Variants in ATP10D observed in about 807,000 individuals in gnomAD.
ATP10D encodes phospholipid-transporting ATPase VD.
A neutral mutation model predicts 144.8 loss-of-function variants in ATP10D; 89 were observed. The ratio of observed to expected loss-of-function variants is 0.61; its 90% confidence interval spans 0.52 to 0.73. ATP10D has a LOEUF of 0.73. ATP10D is among the 30% of genes least tolerant of loss of function. The probability of loss-of-function intolerance (pLI) is 0.00; values close to 1 mark genes in which losing one functional copy is unlikely to be tolerated. For missense variants in ATP10D, 1,603 were observed against 1,714.8 expected, an observed-to-expected ratio of 0.93 and a Z score of 1.15; for synonymous variants, 571 against 615.1, an observed-to-expected ratio of 0.93 and a Z score of 1.06.
At chr4:47,504,785 G>A (rs947134536) in intron 1 of ATP10D, among the ~76,000 whole-genome samples, 3 of 152,078 alleles carry the variant, frequency 2.0e-5, no homozygotes, top group African/African-American at 7.2e-5. Flanking sequence ...AAATGGTCTC[G>A]ATCTAGGTCA....
rs779656162 is a variant in ATP10D, at chr4:47,536,709, T to C, written c.1167T>C (p.Tyr389=). The C allele has an allele frequency of 2.5e-6, 4 of 1,611,636 alleles. No individual in the cohort carries two copies. The highest frequency in any genetic ancestry group is 2.7e-5 in the African/African-American group (2 of 74,858). Residue 389 remains tyrosine (Y), a synonymous_variant, in exon 9 of 23, where the codon TAT becomes TAC. Transcript: ENST00000273859. ...AGGTCTTGATTCCTATTTCTCTCTA[T>C]GTTTCCATCGAAATTGTGAAGCTTG... ...LLQVLIPISL[Y]VSIEIVKLGQ...
intron 19 of ATP10D, 72 bp downstream of exon 19, chr4:47,577,045 C>A: frequency 7.6e-7 from 1 of 1,316,082 alleles, no homozygotes; most frequent in Non-Finnish European, 1.1e-6. Flanking sequence ...TCTTAGTTAG[C>A]AAAATATTGC....
At chr4:47,543,854 T>C (rs568977790) in intron 9 of ATP10D, among the ~76,000 whole-genome samples, 3 of 142,974 alleles carry the variant, frequency 2.1e-5, no homozygotes, top group South Asian at 2.2e-4. Context: ...CACACACACA[T>C]ATATATATGC....
chr4:47,507,767 C>A (rs1230208545), intron 1 of ATP10D, among the ~76,000 whole-genome samples: 1 of 152,182 alleles, frequency 6.6e-6, no homozygotes, highest in Admixed American at 6.5e-5. Flanking sequence ...TGCATATGAG[C>A]CATGCTCAGG....
chr4:47,524,041 C>G, intron 4 of ATP10D, among the ~76,000 whole-genome samples: 1 of 152,190 alleles, frequency 6.6e-6, no homozygotes, highest in East Asian at 1.9e-4. Flanking sequence ...ATACTCCTGC[C>G]TCAGCCTCCT....
At chr4:47,583,026 T>A (rs543114265) in intron 21 of ATP10D, 1 of 152,342 alleles carries the variant, frequency 6.6e-6, no homozygotes, top group Admixed American at 6.5e-5. Context: ...GCCAGCAGTC[T>A]TGGCCACTTG....
At chr4:47,518,622 A>G (rs1403305560) in intron 3 of ATP10D, among the ~76,000 whole-genome samples, 2 of 152,226 alleles carry the variant, frequency 1.3e-5, no homozygotes, top group Admixed American at 1.3e-4. Flanking sequence ...AGAAGTTTCA[A>G]AATATTAGTT....
rs143705446 is a variant in ATP10D at position 47,530,446 on chromosome 4, TTTTGTTTG to T, written c.776+4824_776+4831del. Among the ~76,000 whole-genome samples, 11 of 151,312 alleles carry T rather than the reference TTTTGTTTG, an allele frequency of 7.3e-5. 1 individual carries two copies. Among genetic ancestry groups the T allele is most frequent in the South Asian group, 6.2e-4 (3 of 4,802 alleles). ...TTGTTGTTGTTGCTGTTGTTGTTCT[TTTTGTTTG>T]TTTGTTTGTTTGTTTGTTTTTCGAG... On this transcript the variant is annotated intron_variant, in intron 5 of 22. Coordinates refer to ENST00000273859, the MANE Select transcript of ATP10D (RefSeq NM_020453.4).
intron 10 of ATP10D, among the ~76,000 whole-genome samples, chr4:47,550,494 G>T (rs551857336): frequency 6.6e-6 from 1 of 152,038 alleles, no homozygotes; most frequent in Non-Finnish European, 1.5e-5. Context: ...GGTTGGGGGG[G>T]GCGGTCCTTG....
At position 47,561,216 on chromosome 4, in the gene ATP10D, A is replaced by C; in HGVS notation, c.2668+141A>C. 6 of 1,108,900 alleles carry C rather than the reference A, an allele frequency of 5.4e-6. No homozygotes were observed. In the South Asian group the frequency reaches 9.0e-5, roughly 17 times the overall value. The allele number at this position is 1,108,900 out of a possible 1,614,324, so 68.7% of individuals were successfully genotyped here. On this transcript the variant is annotated intron_variant, in intron 14 of 22. Coordinates refer to ENST00000273859, the MANE Select transcript of ATP10D (RefSeq NM_020453.4). ...CCCTGTCCAGTCTGATCTCTATCCA[A>C]CTTCCAATCCATTCTATTCTGTTGT...
intron 9 of ATP10D, among the ~76,000 whole-genome samples, chr4:47,543,686 G>C (rs1718272232): frequency 6.6e-6 from 1 of 152,132 alleles, no homozygotes; most frequent in African/African-American, 2.4e-5. Context: ...CGAATTTCCA[G>C]CTCCACCCAC....
At chr4:47,523,820 A>T (rs746743689) in intron 4 of ATP10D, among the ~76,000 whole-genome samples, 6 of 151,830 alleles carry the variant, frequency 4.0e-5, no homozygotes, top group Non-Finnish European at 8.8e-5. Flanking sequence ...CATATGTATT[A>T]TTTGAATTTC....
intron 4 of ATP10D, among the ~76,000 whole-genome samples, chr4:47,524,899 TATATC>T (rs145423486): frequency 0.13 from 19,644 of 152,172 alleles, 1,513 homozygotes; most frequent in South Asian, 0.24. Flanking sequence ...TTAATTATGA[TATATC>T]AATATCAATA....
intron 1 of ATP10D, among the ~76,000 whole-genome samples, chr4:47,493,102 T>C (rs573989469): frequency 6.6e-6 from 1 of 152,354 alleles, no homozygotes; most frequent in African/African-American, 2.4e-5. Flanking sequence ...TTAAGCATGT[T>C]ATTTTCCTTT....
At chr4:47,558,705 T>C (rs1719121005) in intron 12 of ATP10D, among the ~76,000 whole-genome samples, 1 of 152,236 alleles carries the variant, frequency 6.6e-6, no homozygotes, top group South Asian at 2.1e-4. Flanking sequence ...GGGAACAGTG[T>C]TTGTATCAGG....
At chr4:47,515,400 C>T (rs1716577458) in intron 2 of ATP10D, 76 bp from the exon 3 acceptor site, 2 of 1,171,804 alleles carry the variant, frequency 1.7e-6, no homozygotes, top group Admixed American at 2.3e-5. Flanking sequence ...TACAGAAAAA[C>T]AATATAGTAC....
rs1235234146 is a variant in ATP10D, at chr4:47,561,077, T to TA, written c.2668+3dup. ...TGGAGAACAAACTTACATTACTTGG[T>TA]AGGTGAATTATGTTTGTATTGCCTG... is the stretch of plus-strand genomic sequence containing the variant. On this transcript the variant is annotated splice_region_variant and intron_variant, in intron 14 of 22. Transcript: ENST00000273859. 6.8e-6 allele frequency: 11 copies of TA among 1,614,032 alleles called. No individual in the cohort carries two copies. Among genetic ancestry groups the TA allele is most frequent in the Non-Finnish European group, 8.5e-6 (10 of 1,179,968 alleles).
chr4:47,487,623 C>G (rs1714839989), intron 1 of ATP10D, among the ~76,000 whole-genome samples: 1 of 152,270 alleles, frequency 6.6e-6, no homozygotes, highest in South Asian at 2.1e-4. Context: ...ATCACTATTC[C>G]TCGTCAGTTA....
At chr4:47,536,389 C>T in intron 7 of ATP10D, 48 bp from the exon 8 acceptor site, 2 of 1,593,834 alleles carry the variant, frequency 1.3e-6, no homozygotes, top group South Asian at 1.1e-5. Context: ...TTTTTGTTTG[C>T]ATGCCATATA....
Sources: gnomAD v4.1 joint callset for allele counts (sites outside exome capture counted in the v4.1 genomes callset) on GRCh38, gnomAD v4.1.1 for gene constraint, MANE v1.5 for transcripts, NCBI Gene and HGNC (gene_info 2026-07-23, HGNC 2026-07-21) for gene names.